The following DTX2 variants were observed in gnomAD, a reference collection of about 807,000 sequenced individuals.
DTX2 encodes probable E3 ubiquitin-protein ligase DTX2.
In DTX2, 29 loss-of-function variants were observed where a neutral mutation model predicts 55.3. The ratio of observed to expected loss-of-function variants is 0.52; its 90% CI spans 0.39 to 0.71. DTX2 has a LOEUF of 0.71. Among genes scored for constraint, DTX2 ranks in the 30% least tolerant of loss-of-function variants. The pLI is 0.00. For missense variants in DTX2, 537 were observed against 822.5 expected (o/e 0.65, Z 4.25); for synonymous variants, 276 against 340.4 (o/e 0.81, Z 2.08).
rs988627150 is a variant in DTX2 at position 76,488,130 on chromosome 7, T to G, written c.909-4023T>G. Among the ~76,000 whole-genome samples, 3 of 83,466 alleles carry G rather than the reference T, an allele frequency of 3.6e-5. 1 individual carries two copies. The highest frequency in any genetic ancestry group is 1.7e-4 in the African/African-American group (3 of 17,258). The allele number at this position is 83,466 out of a possible 152,430, so 54.8% of individuals were successfully genotyped here. A position where few individuals can be genotyped will look rare whatever the true frequency, so the allele number is the denominator to read the frequency against. ...ATTATATGGGGGAAGTGGTGACATT[T>G]TTAGAGCTTTCTACAGAACATTCTC... On this transcript the variant is annotated intron_variant, in intron 4 of 10. Transcript: ENST00000430490.
At chr7:76,498,223 C>T (rs1811143885) in intron 6 of DTX2, among the ~76,000 whole-genome samples, 1 of 151,472 alleles carries the variant, frequency 6.6e-6, no homozygotes, top group Non-Finnish European at 1.5e-5. Flanking sequence ...CTCCGCTTAG[C>T]AGAGGGGCTT....
At chr7:76,499,996 C>T (rs1811460832) in intron 6 of DTX2, 1 of 386,050 alleles carries the variant, frequency 2.6e-6, no homozygotes, top group Non-Finnish European at 5.2e-6. Flanking sequence ...CCCAGACTCC[C>T]TTGTCCCTGT....
In DTX2 at chr7:76,483,067, C is replaced by T; in HGVS notation, c.828C>T (p.Ser276=). ...AWGAAPPSLG[S]QPLYRSSLSH... is the part of the protein sequence containing the mutation. ...GCGCAGCTCCTCCTTCCCTGGGGAG[C>T]CAGCCCCTCTACCGCTCCAGCCTCT... is the stretch of plus-strand genomic sequence containing the variant. Residue 276 remains serine (S), a synonymous_variant, in exon 4 of 11, where the codon AGC becomes AGT. Transcript: ENST00000430490. 1 of 1,613,202 alleles carries T rather than the reference C, an allele frequency of 6.2e-7. No individual in the cohort carries two copies. The highest frequency in any genetic ancestry group is 8.5e-7 in the Non-Finnish European group (1 of 1,179,742).
At chr7:76,465,880 AG>A (rs1284936960) in intron 2 of DTX2, among the ~76,000 whole-genome samples, 1 of 130,118 alleles carries the variant, frequency 7.7e-6, no homozygotes, top group Non-Finnish European at 1.6e-5. Flanking sequence ...TGCGCCCGGC[AG>A]GGAGGGGGTA....
intron 1 of DTX2, chr7:76,463,308 A>C: frequency 6.6e-6 from 1 of 151,188 alleles, no homozygotes; most frequent in Admixed American, 6.6e-5. Flanking sequence ...AAATTTTAAA[A>C]AGAGCTCAGG....
At chr7:76,496,096 C>T (rs563113707) in intron 5 of DTX2, among the ~76,000 whole-genome samples, 2 of 86,406 alleles carry the variant, frequency 2.3e-5, no homozygotes, top group East Asian at 6.0e-4. Flanking sequence ...GCTCAAACCT[C>T]TGTCCTCTGA....
intron 6 of DTX2, chr7:76,499,672 A>G (rs1199298634): frequency 6.6e-6 from 1 of 150,870 alleles, no homozygotes; most frequent in South Asian, 2.0e-4. Flanking sequence ...TACTCCCACT[A>G]CCTAGAGAAC....
At position 76,505,537 on chromosome 7, in the gene DTX2, T is replaced by C; in HGVS notation, c.1805T>C (p.Leu602Pro). 1 of 1,608,360 alleles carries C rather than the reference T, an allele frequency of 6.2e-7. No homozygotes were observed. Among genetic ancestry groups the C allele is most frequent in the Non-Finnish European group, 8.5e-7 (1 of 1,177,892 alleles). The change falls in exon 11 of 11, where the codon CTG becomes CCG. Residue 602 changes from leucine (L) to proline (P), a missense_variant. By Grantham distance (98) the Leu-to-Pro change is moderately conservative. Coordinates refer to ENST00000430490, the MANE Select transcript of DTX2 (RefSeq NM_001102594.3). This position sits in a 1 kb window ranked among gnomAD's most constrained non-coding sequence, Gnocchi z 4.4. ...TGHGYPDPNY[L>P]QNVLAELAAQ... Reference sequence around the variant, plus strand: ...CACGGCTATCCCGACCCCAACTACCTGCAGAACGTGCTGGCTGAGCTGGCT... The same window carrying C: ...CACGGCTATCCCGACCCCAACTACCCGCAGAACGTGCTGGCTGAGCTGGCT...
intron 7 of DTX2, among the ~76,000 whole-genome samples, chr7:76,500,982 GA>G (rs1416795655): frequency 6.6e-6 from 1 of 152,158 alleles, no homozygotes; most frequent in South Asian, 2.1e-4. Flanking sequence ...GCAGTGGCGT[GA>G]TCACAGCTCA....
At chr7:76,468,453 T>G (rs1194993717) in intron 2 of DTX2, among the ~76,000 whole-genome samples, 1 of 30,346 alleles carries the variant, frequency 3.3e-5, no homozygotes, top group Non-Finnish European at 5.6e-5. Context: ...CTGCCATTTT[T>G]TTTTTTTTTT....
At chr7:76,486,821 C>A (rs1168854928) in intron 4 of DTX2, among the ~76,000 whole-genome samples, 2 of 133,506 alleles carry the variant, frequency 1.5e-5, no homozygotes, top group African/African-American at 5.6e-5. Flanking sequence ...CGGCGCTCAG[C>A]TCTTGGTGGC....
rs1488850097 is a variant in DTX2 at position 76,471,149 on chromosome 7, A to G, written c.-90+7440A>G. On this transcript the variant is annotated intron_variant, in intron 2 of 10. Transcript: ENST00000430490. ...CATAAATATCTGATTTCTGGTTTCC[A>G]TTCGTTCTTTTTTTTTTTTTTTTTT... The G allele has an allele frequency of 1.8e-5, 10 of 568,306 alleles. 1 individual carries two copies. In the African/African-American group the frequency reaches 1.9e-4, roughly 11 times the overall value. The allele number at this position is 568,306 out of a possible 1,614,324, so 35.2% of individuals were successfully genotyped here. A position where few individuals can be genotyped will look rare whatever the true frequency, so the allele number is the denominator to read the frequency against.
Position 76,466,592 on chromosome 7 carries a change from C to CT in DTX2, c.-90+2895dup, listed in dbSNP as rs66718202. Among the ~76,000 whole-genome samples, 603 of 143,992 alleles carry CT rather than the reference C, an allele frequency of 4.2e-3. 2 individuals are homozygous for CT. Among genetic ancestry groups the CT allele is most frequent in the South Asian group, 0.023 (104 of 4,598 alleles). The allele number at this position is 143,992 out of a possible 152,430, so 94.5% of individuals were successfully genotyped here. A position where few individuals can be genotyped will look rare whatever the true frequency, so the allele number is the denominator to read the frequency against. On this transcript the variant is annotated intron_variant, in intron 2 of 10. Coordinates refer to ENST00000430490, the MANE Select transcript of DTX2 (RefSeq NM_001102594.3). Reference sequence around the variant, plus strand: ...TGTGTATTTCTTTGTTTCTCTGTCTCTTTTTTTTTTTTCTTTGAGGCAGAG... The same window carrying CT: ...TGTGTATTTCTTTGTTTCTCTGTCTCTTTTTTTTTTTTTCTTTGAGGCAGAG...
chr7:76,483,564 C>G (rs559316443), intron 4 of DTX2, among the ~76,000 whole-genome samples: 2 of 150,880 alleles, frequency 1.3e-5, no homozygotes, highest in African/African-American at 4.9e-5. Flanking sequence ...GAGCCCTAGT[C>G]TAGTGCAAGG....
intron 7 of DTX2, among the ~76,000 whole-genome samples, chr7:76,500,832 C>T (rs1289958286): frequency 6.6e-6 from 1 of 152,116 alleles, no homozygotes; most frequent in Non-Finnish European, 1.5e-5. Flanking sequence ...CCCCACTCTC[C>T]ACCTTGCGGA....
At chr7:76,474,247 G>T (rs1184637072) in intron 2 of DTX2, among the ~76,000 whole-genome samples, 11 of 140,964 alleles carry the variant, frequency 7.8e-5, no homozygotes, top group African/African-American at 2.7e-4. Flanking sequence ...AAGAGATAGG[G>T]TCTTGCTATG....
At chr7:76,500,098 T>C in intron 6 of DTX2, 2 of 350,284 alleles carry the variant, frequency 5.7e-6, no homozygotes, top group South Asian at 2.1e-5. Flanking sequence ...TGTCTGACTC[T>C]TCCGCGCAGC....
chr7:76,503,424 A>G lies in DTX2; in HGVS notation c.1390-2A>G. On this transcript the variant is annotated splice_acceptor_variant, in intron 8 of 10. Transcript: ENST00000430490. LOFTEE classifies it high-confidence loss of function. ...TCAGTGGGTTGCGTCTGCCTCTGTC[A>G]GGATGGAAGTCTGCAGTGTCCCTCC... is the stretch of plus-strand genomic sequence containing the variant. 6.2e-7 allele frequency: 1 copy of G among 1,612,098 alleles called. No homozygotes were observed. Among genetic ancestry groups the G allele is most frequent in the Non-Finnish European group, 8.5e-7 (1 of 1,179,550 alleles).
At chr7:76,463,065 TCAAAAAA>T (rs777293914) in intron 1 of DTX2, among the ~76,000 whole-genome samples, 27,255 of 112,372 alleles carry the variant, frequency 0.24, 17 homozygotes, top group Non-Finnish European at 0.3. Context: ...AGACCCCGTC[TCAAAAAA>T]CAAAAAACAA....
Sources: gnomAD v4.1 joint callset for allele counts (sites outside exome capture counted in the v4.1 genomes callset) on GRCh38, gnomAD v4.1.1 for gene constraint, Gnocchi (gnomAD v3.1) non-coding constraint, MANE v1.5 for transcripts, NCBI Gene and HGNC (gene_info 2026-07-23, HGNC 2026-07-21) for gene names.